Variants in EFNA5 observed in about 807,000 individuals in gnomAD.
EFNA5 encodes ephrin A5.
Under a neutral mutation model 22.9 loss-of-function variants are expected in EFNA5, and 5 were observed. The observed-to-expected ratio is 0.22, with a 90% CI of 0.11 to 0.46. The LOEUF (loss-of-function observed/expected upper bound fraction) is 0.46, where lower values mean the gene tolerates loss of function less well. EFNA5 is among the 20% of genes least tolerant of loss of function. EFNA5 has a pLI of 0.99. For synonymous variants in EFNA5, 113 were observed against 112.2 expected (o/e 1.01, Z -0.04); for missense variants, 237 against 293.3 (o/e 0.81, Z 1.40).
At chr5:107,639,902 C>G (rs1481061631) in intron 1 of EFNA5, among the ~76,000 whole-genome samples, 1 of 151,912 alleles carries the variant, frequency 6.6e-6, no homozygotes, top group Non-Finnish European at 1.5e-5. Flanking sequence ...TAATACTGCA[C>G]CCTAGAGATA....
intron 2 of EFNA5, among the ~76,000 whole-genome samples, chr5:107,395,603 C>T (rs1747901911): frequency 6.6e-6 from 1 of 152,160 alleles, no homozygotes; most frequent in African/African-American, 2.4e-5. Context: ...CTATTATCAA[C>T]TAGTGTTCTA....
intron 1 of EFNA5, among the ~76,000 whole-genome samples, chr5:107,476,425 T>C (rs1445394124): frequency 2.0e-5 from 3 of 152,156 alleles, no homozygotes; most frequent in African/African-American, 7.2e-5. Context: ...TTTACACATC[T>C]GTATTTTCAA....
intron 1 of EFNA5, among the ~76,000 whole-genome samples, chr5:107,611,145 C>G (rs1037355694): frequency 6.6e-6 from 1 of 152,002 alleles, no homozygotes; most frequent in Admixed American, 6.6e-5. Flanking sequence ...CTCTGCCTAG[C>G]AACACAGCTT....
intron 4 of EFNA5, among the ~76,000 whole-genome samples, chr5:107,383,504 G>C (rs1486201958): frequency 6.6e-6 from 1 of 152,122 alleles, no homozygotes; most frequent in Non-Finnish European, 1.5e-5. Flanking sequence ...CAAAACAATG[G>C]AGCACTTCAG....
chr5:107,517,681 A>G (rs1437189297), intron 1 of EFNA5, among the ~76,000 whole-genome samples: 1 of 152,254 alleles, frequency 6.6e-6, no homozygotes, highest in African/African-American at 2.4e-5. Flanking sequence ...TTCTGTGACA[A>G]GTCATATTAC....
chr5:107,591,867 TATATATA>T lies in EFNA5; in HGVS notation c.125+78615_125+78621del, dbSNP rs1165589161. ...TAAAATATATATAATATAAAAAATA[TATATATA>T]ATATATAATATATATATTATATATA... is the stretch of plus-strand genomic sequence containing the variant. On this transcript the variant is annotated intron_variant, in intron 1 of 4. Coordinates refer to ENST00000333274, the MANE Select transcript of EFNA5 (RefSeq NM_001962.3). Among the ~76,000 whole-genome samples the T allele has an allele frequency of 1.1e-4, 5 of 46,550 alleles. 1 individual carries two copies. The highest frequency in any genetic ancestry group is 1.4e-4 in the African/African-American group (1 of 7,270). The allele number at this position is 46,550 out of a possible 152,430, so 30.5% of individuals were successfully genotyped here. A position where few individuals can be genotyped will look rare whatever the true frequency, so the allele number is the denominator to read the frequency against.
At chr5:107,527,485 C>A (rs1198889595) in intron 1 of EFNA5, among the ~76,000 whole-genome samples, 1 of 151,886 alleles carries the variant, frequency 6.6e-6, no homozygotes, top group Non-Finnish European at 1.5e-5. Context: ...TGGGGTTTCA[C>A]CATGTTGGCC....
At chr5:107,470,154 T>C (rs1750099108) in intron 1 of EFNA5, among the ~76,000 whole-genome samples, 1 of 152,168 alleles carries the variant, frequency 6.6e-6, no homozygotes, top group African/African-American at 2.4e-5. Flanking sequence ...AGCCGCTCCT[T>C]TGCTGTAATA....
rs1747428750 is a variant in EFNA5, at chr5:107,380,714, G to A, written c.*541C>T. On this transcript the variant is annotated 3_prime_UTR_variant, in exon 5 of 5. Transcript: ENST00000333274. ...TCATTTACATACTCCTATAGGAAAT[G>A]GTGTAATATCGTATCTATTCTTAAT... is the stretch of plus-strand genomic sequence containing the variant. 2.5e-6 allele frequency: 1 copy of A among 398,388 alleles called. No individual in the cohort carries two copies. The highest frequency in any genetic ancestry group is 4.4e-6 in the Non-Finnish European group (1 of 226,076). The allele number at this position is 398,388 out of a possible 1,614,324, so 24.7% of individuals were successfully genotyped here.
chr5:107,649,751 A>T (rs1024594621), intron 1 of EFNA5, among the ~76,000 whole-genome samples: 1 of 152,190 alleles, frequency 6.6e-6, no homozygotes, highest in Non-Finnish European at 1.5e-5. Context: ...AAGTATTAAT[A>T]GCTAAAATTT....
At chr5:107,409,609 T>C (rs1197041385) in intron 2 of EFNA5, among the ~76,000 whole-genome samples, 1 of 152,222 alleles carries the variant, frequency 6.6e-6, no homozygotes, top group African/African-American at 2.4e-5. Context: ...ATTGAGGTAT[T>C]ACTTAATATT....
intron 1 of EFNA5, among the ~76,000 whole-genome samples, chr5:107,644,495 A>C (rs1335253115): frequency 6.6e-6 from 1 of 152,192 alleles, no homozygotes; most frequent in Non-Finnish European, 1.5e-5. Flanking sequence ...AAGAAATCTC[A>C]TATGTAAATA....
intron 2 of EFNA5, among the ~76,000 whole-genome samples, chr5:107,421,263 T>C (rs1748658141): frequency 6.6e-6 from 1 of 152,240 alleles, no homozygotes; most frequent in Non-Finnish European, 1.5e-5. Context: ...CTACAGACTA[T>C]AGATTTAAAA....
At chr5:107,504,971 C>G (rs1269237077) in intron 1 of EFNA5, among the ~76,000 whole-genome samples, 1 of 151,974 alleles carries the variant, frequency 6.6e-6, no homozygotes, top group Non-Finnish European at 1.5e-5. Context: ...CTTCAATAAA[C>G]CAATGTATGT....
chr5:107,564,974 G>A (rs1748632651), intron 1 of EFNA5, among the ~76,000 whole-genome samples: 1 of 151,942 alleles, frequency 6.6e-6, no homozygotes, highest in African/African-American at 2.4e-5. Context: ...ACCTTTTCAG[G>A]GATTTGTGCT....
chr5:107,495,467 G>A (rs960374022), intron 1 of EFNA5, among the ~76,000 whole-genome samples: 7 of 152,188 alleles, frequency 4.6e-5, no homozygotes, highest in East Asian at 1.9e-4. Context: ...GAGGGTCCGC[G>A]GCCTCATTCT....
At chr5:107,670,094 G>A (rs147187065) in intron 1 of EFNA5, among the ~76,000 whole-genome samples, 68 of 149,884 alleles carry the variant, frequency 4.5e-4, no homozygotes, top group East Asian at 2.8e-3. Flanking sequence ...CGCAGTCCCT[G>A]CGGACCCACG....
chr5:107,618,862 G>A (rs1424727429), intron 1 of EFNA5, among the ~76,000 whole-genome samples: 1 of 151,942 alleles, frequency 6.6e-6, no homozygotes, highest in Admixed American at 6.6e-5. Flanking sequence ...TCCTTCTTAA[G>A]GGATATACCC....
At chr5:107,440,398 A>G (rs369164386) in intron 1 of EFNA5, among the ~76,000 whole-genome samples, 2 of 152,188 alleles carry the variant, frequency 1.3e-5, no homozygotes, top group African/African-American at 4.8e-5. Context: ...CTACCTTGGA[A>G]AAGAACTATA....
Sources: gnomAD v4.1 joint callset for allele counts (sites outside exome capture counted in the v4.1 genomes callset) on GRCh38, gnomAD v4.1.1 for gene constraint, MANE v1.5 for transcripts, NCBI Gene and HGNC (gene_info 2026-07-23, HGNC 2026-07-21) for gene names.